Variants in LRRC4C observed in about 807,000 individuals in gnomAD.
The protein encoded by LRRC4C is leucine rich repeat containing 4C.
Under a neutral mutation model 33.6 loss-of-function variants are expected in LRRC4C, and 5 were observed. The observed-to-expected ratio is 0.15, with a 90% CI of 0.08 to 0.31. The LOEUF is 0.31. Ranked by LOEUF, LRRC4C falls within the 10% of genes least tolerant of loss-of-function variation. The pLI is 1.00. For missense variants in LRRC4C, 560 were observed against 796.7 expected (o/e 0.70, Z 3.58); for synonymous variants, 329 against 302.0 (o/e 1.09, Z -0.93).
chr11:40,741,761 A>T (rs1948166627), intron 2 of LRRC4C, among the ~76,000 whole-genome samples: 1 of 152,052 alleles, frequency 6.6e-6, no homozygotes. Flanking sequence ...ATGTATTGTT[A>T]TTTAATCACA....
In LRRC4C at chr11:40,156,454, A is replaced by T. The variant is rs555973492; in HGVS notation, c.-95-15601T>A. On this transcript the variant is annotated intron_variant, in intron 5 of 6. Coordinates refer to ENST00000528697, the MANE Select transcript of LRRC4C (RefSeq NM_001258419.2). ...GATCATTTACCTTGAAAACACTAAG[A>T]CTCATCCAGAAAGCTCCTAGAACTG... is the stretch of plus-strand genomic sequence containing the variant. 2.0e-5 allele frequency among the ~76,000 whole-genome samples: 3 copies of T among 152,184 alleles called. No individual in the cohort carries two copies. The South Asian group carries it at 6.2e-4, about 32-fold the overall frequency.
In LRRC4C at chr11:40,896,070, T is replaced by G. The variant is rs779146577; in HGVS notation, c.-407+37565A>C. Among the ~76,000 whole-genome samples the G allele has an allele frequency of 1.3e-4, 20 of 152,194 alleles. 1 individual carries two copies. The highest frequency in any genetic ancestry group is 2.9e-5 in the Non-Finnish European group (2 of 68,034). ...TATATACACAGTTCATCTTTTGGATTCTTTCATCCAACTCCAACCTTGGAA... is the reference window on the plus strand; with the variant it reads ...TATATACACAGTTCATCTTTTGGATGCTTTCATCCAACTCCAACCTTGGAA... On this transcript the variant is annotated intron_variant, in intron 2 of 6. Coordinates refer to ENST00000528697, the MANE Select transcript of LRRC4C (RefSeq NM_001258419.2).
chr11:41,357,565 G>A (rs997363233), intron 1 of LRRC4C, among the ~76,000 whole-genome samples: 15 of 152,072 alleles, frequency 9.9e-5, no homozygotes, highest in South Asian at 4.1e-4. Flanking sequence ...CTGGATTTGC[G>A]TATTTTCTCT....
At chr11:41,152,605 T>C (rs535933430) in intron 1 of LRRC4C, among the ~76,000 whole-genome samples, 29 of 152,304 alleles carry the variant, frequency 1.9e-4, no homozygotes, top group African/African-American at 7.0e-4. Flanking sequence ...GTACATATGG[T>C]AATTCACCTC....
At chr11:40,261,638 T>A (rs555767757) in intron 4 of LRRC4C, among the ~76,000 whole-genome samples, 1 of 152,236 alleles carries the variant, frequency 6.6e-6, no homozygotes, top group African/African-American at 2.4e-5. Context: ...GGGAAACATA[T>A]CTTGAAAATA....
At chr11:40,365,994 G>C (rs1948191409) in intron 3 of LRRC4C, among the ~76,000 whole-genome samples, 1 of 151,804 alleles carries the variant, frequency 6.6e-6, no homozygotes, top group Non-Finnish European at 1.5e-5. Flanking sequence ...GATTCAGTGG[G>C]GTATACAGAA....
intron 1 of LRRC4C, among the ~76,000 whole-genome samples, chr11:41,347,836 T>C (rs1167550750): frequency 2.0e-5 from 3 of 152,184 alleles, no homozygotes; most frequent in African/African-American, 4.8e-5. Flanking sequence ...TAAGATTGCA[T>C]AGGTAACTTA....
chr11:41,188,227 C>T (rs1313925080), intron 1 of LRRC4C, among the ~76,000 whole-genome samples: 1 of 152,130 alleles, frequency 6.6e-6, no homozygotes, highest in East Asian at 1.9e-4. Flanking sequence ...ACAAACATCA[C>T]TGCCCAATTG....
At chr11:40,385,222 C>T (rs909842551) in intron 3 of LRRC4C, among the ~76,000 whole-genome samples, 4 of 152,018 alleles carry the variant, frequency 2.6e-5, no homozygotes, top group African/African-American at 9.7e-5. Flanking sequence ...CCTTCTAACT[C>T]TGAGAAGAAA....
chr11:40,770,217 A>G (rs980399482), intron 2 of LRRC4C, among the ~76,000 whole-genome samples: 3 of 152,148 alleles, frequency 2.0e-5, no homozygotes, highest in African/African-American at 7.2e-5. Context: ...GTCTCAGGAA[A>G]CTTACAATCA....
At chr11:40,243,216 G>C (rs551479421) in intron 4 of LRRC4C, among the ~76,000 whole-genome samples, 2 of 152,228 alleles carry the variant, frequency 1.3e-5, no homozygotes, top group South Asian at 4.1e-4. Context: ...GTTTAAAAAG[G>C]TAAATTTCTA....
intron 1 of LRRC4C, among the ~76,000 whole-genome samples, chr11:41,270,673 C>T (rs1268753053): frequency 6.6e-6 from 1 of 152,126 alleles, no homozygotes; most frequent in Non-Finnish European, 1.5e-5. Context: ...CTCAATTCCA[C>T]CATTCTGTGG....
At chr11:40,708,323 C>A (rs1363190892) in intron 2 of LRRC4C, among the ~76,000 whole-genome samples, 2 of 152,160 alleles carry the variant, frequency 1.3e-5, no homozygotes, top group African/African-American at 4.8e-5. Flanking sequence ...AATTTTAGAT[C>A]TTTCCTGCTT....
chr11:41,090,600 A>G (rs1241194058), intron 1 of LRRC4C, among the ~76,000 whole-genome samples: 2 of 152,034 alleles, frequency 1.3e-5, no homozygotes, highest in African/African-American at 4.8e-5. Flanking sequence ...TTAGTAGCAA[A>G]TGTGTTAAAA....
intron 1 of LRRC4C, among the ~76,000 whole-genome samples, chr11:41,193,894 A>G (rs1946070483): frequency 6.6e-6 from 1 of 152,074 alleles, no homozygotes; most frequent in Non-Finnish European, 1.5e-5. Flanking sequence ...AAACATTTTT[A>G]GAGAAATAAT....
At chr11:40,977,220 C>A (rs1341912784) in intron 1 of LRRC4C, among the ~76,000 whole-genome samples, 3 of 152,074 alleles carry the variant, frequency 2.0e-5, no homozygotes, top group African/African-American at 7.2e-5. Context: ...TGAAGTTTTG[C>A]TCACTGGCCC....
intron 4 of LRRC4C, among the ~76,000 whole-genome samples, chr11:40,306,790 A>G (rs1308938213): frequency 6.6e-6 from 1 of 152,050 alleles, no homozygotes; most frequent in Non-Finnish European, 1.5e-5. Flanking sequence ...CTATATCCCC[A>G]TTCATTACCC....
intron 1 of LRRC4C, among the ~76,000 whole-genome samples, chr11:40,935,618 C>T (rs1208242304): frequency 6.6e-6 from 1 of 151,944 alleles, no homozygotes; most frequent in East Asian, 1.9e-4. Flanking sequence ...TACCACATAG[C>T]CTAGGTGTAT....
intron 3 of LRRC4C, among the ~76,000 whole-genome samples, chr11:40,542,363 A>G (rs11035909): frequency 0.09 from 13,734 of 152,028 alleles, 1,778 homozygotes; most frequent in African/African-American, 0.29. Flanking sequence ...TGTTTTGTCA[A>G]CCTCTATTCA....
Sources: gnomAD v4.1 joint callset for allele counts (sites outside exome capture counted in the v4.1 genomes callset) on GRCh38, gnomAD v4.1.1 for gene constraint, MANE v1.5 for transcripts, NCBI Gene and HGNC (gene_info 2026-07-23, HGNC 2026-07-21) for gene names.